Variants in ETFBKMT observed in about 807,000 individuals in gnomAD.
ETFBKMT encodes electron transfer flavoprotein beta subunit lysine methyltransferase.
Under a neutral mutation model 18.3 loss-of-function variants are expected in ETFBKMT, and 13 were observed. The ratio of observed to expected loss-of-function variants is 0.71; its 90% CI spans 0.46 to 1.13. The LOEUF (loss-of-function observed/expected upper bound fraction) is 1.13, where lower values mean the gene tolerates loss of function less well. ETFBKMT is among the 50% of genes most tolerant of loss of function. ETFBKMT has a pLI of 0.00. For synonymous variants in ETFBKMT, 84 were observed against 107.9 expected (o/e 0.78, Z 1.37); for missense variants, 293 against 306.2 (o/e 0.96, Z 0.32).
intron 1 of ETFBKMT, among the ~76,000 whole-genome samples, chr12:31,661,349 G>A (rs1440842451): frequency 1.3e-5 from 2 of 152,166 alleles, no homozygotes; most frequent in Non-Finnish European, 2.9e-5. Flanking sequence ...TTACTAAAAG[G>A]ATTCTCTTGT....
At chr12:31,650,626 C>CTTTTTTTTTTTTTTTTTTTTTT (rs543201341) in intron 1 of ETFBKMT, among the ~76,000 whole-genome samples, 2 of 140,636 alleles carry the variant, frequency 1.4e-5, no homozygotes, top group Admixed American at 7.4e-5. Flanking sequence ...AATGACCTGA[C>CTTTTTTTTTTTTTTTTTTTTTT]CTTTTTTTTT....
At chr12:31,656,465 G>A (rs1036702694), upstream of ETFBKMT, among the ~76,000 whole-genome samples, 2 of 152,164 alleles carry the variant, frequency 1.3e-5, no homozygotes, top group African/African-American at 4.8e-5. Context: ...GGAAAGCTGT[G>A]GTCAGGAATC....
At chr12:31,659,532 TA>T (rs752808205), upstream of ETFBKMT, among the ~76,000 whole-genome samples, 4 of 152,186 alleles carry the variant, frequency 2.6e-5, no homozygotes, top group Non-Finnish European at 5.9e-5. Context: ...ACATACTTCA[TA>T]ACCCATGCCT....
chr12:31,650,626 C>CTTTTTTTTTTTTTTTTTTT (rs543201341), intron 1 of ETFBKMT, among the ~76,000 whole-genome samples: 7 of 140,712 alleles, frequency 5.0e-5, no homozygotes, highest in South Asian at 2.4e-4. Flanking sequence ...AATGACCTGA[C>CTTTTTTTTTTTTTTTTTTT]CTTTTTTTTT....
chr12:31,648,299 T>C (rs1422216556), intron 1 of ETFBKMT, among the ~76,000 whole-genome samples: 2 of 152,184 alleles, frequency 1.3e-5, no homozygotes, highest in Non-Finnish European at 1.5e-5. Context: ...TAAAATGATG[T>C]AGTATTTGCA....
chr12:31,665,413 T>C (rs1458059909), intron 2 of ETFBKMT, among the ~76,000 whole-genome samples: 1 of 152,218 alleles, frequency 6.6e-6, no homozygotes, highest in African/African-American at 2.4e-5. Context: ...CTTGCCAAGG[T>C]TGGACCAAGT....
upstream of ETFBKMT, chr12:31,659,458 TAA>T (rs1951092401): frequency 6.6e-6 from 1 of 152,390 alleles, no homozygotes; most frequent in Admixed American, 6.5e-5. Flanking sequence ...TTGTGGAACG[TAA>T]CTCTTTTCAT....
Position 31,672,362 on chromosome 12 carries a change from A to T in ETFBKMT, c.*4372A>T. Reference sequence around the variant, plus strand: ...GTTTGGGCCTACTAATTGCTCCAACACTTCTCGGGAATGATCTATAAAAGA... The same window carrying T: ...GTTTGGGCCTACTAATTGCTCCAACTCTTCTCGGGAATGATCTATAAAAGA... On this transcript the variant is annotated 3_prime_UTR_variant, in exon 4 of 4. Coordinates refer to ENST00000357721, the MANE Select transcript of ETFBKMT (RefSeq NM_001135863.2). 6.4e-7 allele frequency: 1 copy of T among 1,573,178 alleles called. No individual in the cohort carries two copies. Among genetic ancestry groups the T allele is most frequent in the Admixed American group, 1.8e-5 (1 of 54,970 alleles).
At chr12:31,650,699 A>C (rs1475283311) in intron 1 of ETFBKMT, among the ~76,000 whole-genome samples, 1 of 151,110 alleles carries the variant, frequency 6.6e-6, no homozygotes, top group Non-Finnish European at 1.5e-5. Context: ...AGGAGGGATA[A>C]GGAGGTTAGT....
At chr12:31,661,548 A>T (rs1441406406) in intron 1 of ETFBKMT, among the ~76,000 whole-genome samples, 3 of 151,570 alleles carry the variant, frequency 2.0e-5, no homozygotes, top group Non-Finnish European at 4.4e-5. Flanking sequence ...CGATCTCGGC[A>T]CACTGCAACC....
At chr12:31,648,418 A>G (rs1192972957) in intron 1 of ETFBKMT, among the ~76,000 whole-genome samples, 3 of 146,966 alleles carry the variant, frequency 2.0e-5, no homozygotes, top group Non-Finnish European at 3.0e-5. Flanking sequence ...CTGGAGTGCA[A>G]TGGCACCATC....
intron 1 of ETFBKMT, among the ~76,000 whole-genome samples, chr12:31,648,561 T>TC: frequency 1.0e-5 from 1 of 99,482 alleles, no homozygotes; most frequent in East Asian, 2.2e-4. Context: ...GGGTTTCTTT[T>TC]TTTTTTTTTT....
At chr12:31,667,057 C>T (rs1199120379) in intron 3 of ETFBKMT, among the ~76,000 whole-genome samples, 23 of 150,764 alleles carry the variant, frequency 1.5e-4, no homozygotes, top group Admixed American at 6.0e-4. Context: ...TGCAGTGGCA[C>T]GGTCTTGGCT....
chr12:31,655,860 C>A (rs1280948687), upstream of ETFBKMT, among the ~76,000 whole-genome samples: 1 of 152,172 alleles, frequency 6.6e-6, no homozygotes, highest in Non-Finnish European at 1.5e-5. Context: ...CTCAATAAAC[C>A]TGGATTGATT....
rs1951234201 is a variant in ETFBKMT at position 31,669,136 on chromosome 12, T to C, written c.*1146T>C. 6.6e-6 allele frequency: 1 copy of C among 152,244 alleles called. No individual in the cohort carries two copies. The highest frequency in any genetic ancestry group is 2.4e-5 in the African/African-American group (1 of 41,468). The allele number at this position is 152,244 out of a possible 1,614,324, so 9.4% of individuals were successfully genotyped here. ...GGGCTACTGTTTGCTGTAGAGTAGA[T>C]ATTACAGGCTAAATTTTCCTCTAGT... On this transcript the variant is annotated 3_prime_UTR_variant, in exon 4 of 4. Coordinates refer to ENST00000357721, the MANE Select transcript of ETFBKMT (RefSeq NM_001135863.2).
chr12:31,663,591 A>C (rs1951156909), intron 2 of ETFBKMT, among the ~76,000 whole-genome samples: 1 of 152,228 alleles, frequency 6.6e-6, no homozygotes, highest in African/African-American at 2.4e-5. Flanking sequence ...GTTGATGTCA[A>C]GTCCCAGGTT....
chr12:31,666,029 G>C, intron 2 of ETFBKMT, 58 bp from the exon 3 acceptor site: 1 of 1,515,572 alleles, frequency 6.6e-7, no homozygotes, highest in Non-Finnish European at 8.9e-7. Flanking sequence ...TGGGGGGCCT[G>C]TTCCCAACAT....
At chr12:31,662,362 G>GCCACCACGCC in intron 2 of ETFBKMT, 95 bp downstream of exon 2, 4 of 1,161,908 alleles carry the variant, frequency 3.4e-6, no homozygotes, top group Non-Finnish European at 4.9e-6. Flanking sequence ...GCTAGGCGTG[G>GCCACCACGCC]TGGCTCATGC....
At position 31,667,933 on chromosome 12, in the gene ETFBKMT, TAC is replaced by T. The variant is rs1951219879; in HGVS notation, c.733_734del (p.Thr245Ter). 2 of 1,614,220 alleles carry T rather than the reference TAC, an allele frequency of 1.2e-6. No homozygotes were observed. The highest frequency in any genetic ancestry group is 1.3e-5 in the African/African-American group (1 of 75,050). On this transcript the variant is annotated frameshift_variant, in exon 4 of 4. Transcript: ENST00000357721. LOFTEE classifies it high-confidence loss of function. The stretch of plus-strand genomic sequence containing the variant: ...TGGTAGAATATTCACTTTTGGAGTC[TAC>T]TAGGCAGGAAAACAGTGGACTGACA... Reference protein sequence around the residue: ...KVVEYSLLESTRQENSGLTTS... With the variant: ...KVVEYSLLESXRQENSGLTTS...
Sources: allele counts gnomAD v4.1 joint callset (sites outside exome capture counted in the v4.1 genomes callset), GRCh38; gene constraint gnomAD v4.1.1; transcripts MANE v1.5; gene names NCBI Gene and HGNC (gene_info 2026-07-23, HGNC 2026-07-21).